The following MACROD2 variants were observed in gnomAD, a reference collection of about 807,000 sequenced individuals.
MACROD2 encodes the protein mono-ADP ribosylhydrolase 2.
In MACROD2, 36 loss-of-function variants were observed where a neutral mutation model predicts 70.4. That is an observed-to-expected ratio of 0.51 (90% CI 0.39 to 0.68). MACROD2 has a LOEUF of 0.68. MACROD2 is among the 30% of genes least tolerant of loss of function. MACROD2 has a pLI of 0.00. For synonymous variants in MACROD2, 172 were observed against 178.8 expected, an observed-to-expected ratio of 0.96 and a Z score of 0.30; for missense variants, 496 against 538.4, an observed-to-expected ratio of 0.92 and a Z score of 0.78.
At chr20:15,339,238 T>C (rs1357339700) in intron 6 of MACROD2, among the ~76,000 whole-genome samples, 5 of 151,880 alleles carry the variant, frequency 3.3e-5, no homozygotes, top group Admixed American at 1.3e-4. Context: ...ATTTAGTATA[T>C]AGTGTTAATA....
chr20:15,789,687 A>G (rs1232500904), intron 8 of MACROD2, among the ~76,000 whole-genome samples: 1 of 152,112 alleles, frequency 6.6e-6, no homozygotes, highest in Non-Finnish European at 1.5e-5. Flanking sequence ...ATATTTTCAA[A>G]TTGATTAATA....
At chr20:14,887,594 C>A (rs2122493841) in intron 5 of MACROD2, among the ~76,000 whole-genome samples, 1 of 151,882 alleles carries the variant, frequency 6.6e-6, no homozygotes, top group East Asian at 1.9e-4. Context: ...CACCATGTTG[C>A]CCAGGCTGGT....
At chr20:15,843,402 G>T (rs1304404201) in intron 8 of MACROD2, among the ~76,000 whole-genome samples, 2 of 152,136 alleles carry the variant, frequency 1.3e-5, no homozygotes, top group Non-Finnish European at 2.9e-5. Flanking sequence ...TCATGTTCGT[G>T]TGTTGACAGT....
At chr20:15,346,482 A>T (rs1338539404) in intron 6 of MACROD2, among the ~76,000 whole-genome samples, 2 of 152,138 alleles carry the variant, frequency 1.3e-5, no homozygotes, top group Non-Finnish European at 2.9e-5. Flanking sequence ...CGAAGTTCAC[A>T]TATTGTTGAG....
At chr20:15,793,222 A>T (rs1398887310) in intron 8 of MACROD2, among the ~76,000 whole-genome samples, 1 of 152,124 alleles carries the variant, frequency 6.6e-6, no homozygotes, top group Non-Finnish European at 1.5e-5. Context: ...TTGTTCTCAG[A>T]TTTCAGTGTG....
chr20:15,238,896 C>G (rs6043147), intron 6 of MACROD2, among the ~76,000 whole-genome samples: 4 of 152,142 alleles, frequency 2.6e-5, no homozygotes, highest in Non-Finnish European at 4.4e-5. Flanking sequence ...AAATACTGGC[C>G]TAGCACACTG....
intron 5 of MACROD2, among the ~76,000 whole-genome samples, chr20:15,165,272 G>A (rs376434496): frequency 2.0e-4 from 31 of 152,042 alleles, no homozygotes; most frequent in Non-Finnish European, 3.4e-4. Flanking sequence ...CCTGGCCAAC[G>A]TGGTAAAACC....
At chr20:14,471,852 AC>A (rs1469036069) in intron 3 of MACROD2, among the ~76,000 whole-genome samples, 1 of 152,184 alleles carries the variant, frequency 6.6e-6, no homozygotes, top group Non-Finnish European at 1.5e-5. Context: ...GAAAATGTAT[AC>A]AAATGGGACA....
intron 6 of MACROD2, among the ~76,000 whole-genome samples, chr20:15,419,456 A>G (rs1404024127): frequency 1.3e-5 from 2 of 152,156 alleles, no homozygotes; most frequent in African/African-American, 4.8e-5. Flanking sequence ...CCTTAGAGCT[A>G]TGCTGAGGAA....
At chr20:14,731,072 T>C (rs751738450) in intron 5 of MACROD2, among the ~76,000 whole-genome samples, 48 of 152,064 alleles carry the variant, frequency 3.2e-4, no homozygotes, top group Admixed American at 7.9e-4. Flanking sequence ...CTTCTGTAAT[T>C]TCAGGAACTA....
intron 5 of MACROD2, among the ~76,000 whole-genome samples, chr20:15,090,500 T>C (rs957294212): frequency 2.0e-5 from 3 of 152,132 alleles, no homozygotes; most frequent in Non-Finnish European, 4.4e-5. Context: ...TTTCATGCAA[T>C]TGGCCTATTT....
In MACROD2 at chr20:14,570,933, CAT is replaced by C. The variant is rs1980150719; in HGVS notation, c.301+77426_301+77427del. Among the ~76,000 whole-genome samples the C allele has an allele frequency of 3.3e-5, 5 of 152,124 alleles. No individual in the cohort carries two copies. In the East Asian group the frequency reaches 7.7e-4, roughly 24 times the overall value. Reference sequence around the variant, plus strand: ...GCCTGGTTTATTCCTACTTCTCCTTCATCTACCCCAATCCTCCCACGTATCTC... The same window carrying C: ...GCCTGGTTTATTCCTACTTCTCCTTCCTACCCCAATCCTCCCACGTATCTC... On this transcript the variant is annotated intron_variant, in intron 4 of 17. Coordinates refer to ENST00000684519, the MANE Select transcript of MACROD2 (RefSeq NM_001351661.2).
At chr20:14,584,022 C>T (rs1453046601) in intron 4 of MACROD2, among the ~76,000 whole-genome samples, 1 of 152,210 alleles carries the variant, frequency 6.6e-6, no homozygotes, top group Non-Finnish European at 1.5e-5. Context: ...GCAAATGCCT[C>T]CAGGAATTAG....
At chr20:15,909,580 G>C in intron 10 of MACROD2, among the ~76,000 whole-genome samples, 1 of 132,780 alleles carries the variant, frequency 7.5e-6, no homozygotes, top group Non-Finnish European at 1.5e-5. Context: ...CTGGAGTGCA[G>C]TGGCGGGATC....
chr20:15,988,205 G>T (rs1409156309), intron 15 of MACROD2, among the ~76,000 whole-genome samples: 2 of 152,050 alleles, frequency 1.3e-5, no homozygotes, highest in Non-Finnish European at 2.9e-5. Context: ...TTTCGCTATT[G>T]CAAATCCTAG....
intron 7 of MACROD2, among the ~76,000 whole-genome samples, chr20:15,467,577 T>C (rs564474589): frequency 6.6e-6 from 1 of 152,288 alleles, no homozygotes; most frequent in South Asian, 2.1e-4. Context: ...CTCCTCTCTC[T>C]CTTATTCCAA....
intron 2 of MACROD2, among the ~76,000 whole-genome samples, chr20:14,060,008 G>A (rs932240629): frequency 7.9e-5 from 12 of 152,130 alleles, no homozygotes; most frequent in Non-Finnish European, 1.8e-4. Context: ...GTGAAGATGG[G>A]TTGAATCTTT....
intron 5 of MACROD2, among the ~76,000 whole-genome samples, chr20:14,769,229 G>A (rs1007894046): frequency 3.9e-5 from 6 of 152,020 alleles, no homozygotes; most frequent in Non-Finnish European, 7.4e-5. Context: ...AAATTGGTTG[G>A]TTGTAGAGCC....
chr20:14,733,851 C>T (rs1033679996), intron 5 of MACROD2, among the ~76,000 whole-genome samples: 5 of 152,144 alleles, frequency 3.3e-5, no homozygotes, highest in Admixed American at 6.5e-5. Context: ...AATCCAAGGA[C>T]ATAGCATTTT....
Sources: gnomAD v4.1 joint callset for allele counts (sites outside exome capture counted in the v4.1 genomes callset) on GRCh38, gnomAD v4.1.1 for gene constraint, MANE v1.5 for transcripts, NCBI Gene and HGNC (gene_info 2026-07-23, HGNC 2026-07-21) for gene names.